Variants in PTPRD observed in about 807,000 individuals in gnomAD.
PTPRD encodes the protein receptor-type tyrosine-protein phosphatase delta.
PTPRD carries 34 observed loss-of-function variants against 214.5 expected under a neutral mutation model. The observed-to-expected ratio is 0.16, with a 90% CI of 0.12 to 0.21. PTPRD has a LOEUF of 0.21. Among genes scored for constraint, PTPRD ranks in the 10% least tolerant of loss-of-function variants. The pLI is 1.00. For synonymous variants in PTPRD, 1,128 were observed against 845.7 expected, an observed-to-expected ratio of 1.33 and a Z score of -5.79; for missense variants, 2,545 against 2,398.7, an observed-to-expected ratio of 1.06 and a Z score of -1.27.
At chr9:10,329,946 T>A (rs2096719047) in intron 3 of PTPRD, among the ~76,000 whole-genome samples, 1 of 151,844 alleles carries the variant, frequency 6.6e-6, no homozygotes, top group South Asian at 2.1e-4. Context: ...ATATTTTAAA[T>A]AATACAGAAA....
intron 3 of PTPRD, among the ~76,000 whole-genome samples, chr9:10,149,516 C>G (rs545790386): frequency 2.2e-4 from 33 of 152,246 alleles, no homozygotes; most frequent in East Asian, 1.4e-3. Context: ...GCACTGCCCT[C>G]CAGCGTGCCT....
intron 9 of PTPRD, among the ~76,000 whole-genome samples, chr9:9,387,879 A>G (rs1340484800): frequency 6.6e-6 from 1 of 152,264 alleles, no homozygotes; most frequent in Non-Finnish European, 1.5e-5. Flanking sequence ...GTAAAAATGA[A>G]TGTTTACAGC....
At chr9:8,546,435 G>A (rs909647492) in intron 14 of PTPRD, among the ~76,000 whole-genome samples, 2 of 152,066 alleles carry the variant, frequency 1.3e-5, no homozygotes, top group Non-Finnish European at 2.9e-5. Context: ...TCGTTCTCAA[G>A]AACTATGGGA....
At chr9:9,557,350 A>G (rs967023599) in intron 8 of PTPRD, among the ~76,000 whole-genome samples, 21 of 152,190 alleles carry the variant, frequency 1.4e-4, no homozygotes, top group African/African-American at 4.8e-4. Context: ...CTTTGTACCA[A>G]TAAGATACCG....
intron 2 of PTPRD, among the ~76,000 whole-genome samples, chr9:10,489,876 G>T (rs921130029): frequency 6.6e-6 from 1 of 152,158 alleles, no homozygotes; most frequent in Non-Finnish European, 1.5e-5. Context: ...GCTGGGGAAT[G>T]GGGGAGGGAT....
At chr9:9,728,273 T>C (rs955838912) in intron 7 of PTPRD, among the ~76,000 whole-genome samples, 3 of 152,174 alleles carry the variant, frequency 2.0e-5, no homozygotes, top group Non-Finnish European at 4.4e-5. Context: ...AACTAATACA[T>C]GTCCCATGAA....
rs1240853179 is a variant in PTPRD, at chr9:8,504,404, T to C, written c.1679A>G (p.Gln560Arg). Residue 560 changes from glutamine to arginine, a missense_variant and splice_region_variant, in exon 23 of 46, where the codon CAA becomes CGA. By Grantham distance (43) the Gln-to-Arg change is conservative (BLOSUM62 1). Coordinates refer to ENST00000381196, the MANE Select transcript of PTPRD (RefSeq NM_002839.4). The part of the protein sequence containing the change: ...VYKDGEHGEE[Q>R]RITIEPGTSY... ...TGTCCCTGGCTCAATGGTAATTCGT[T>C]GCTGGAAGCAATAAGAGAATGTGGT... 6.2e-7 allele frequency: 1 copy of C among 1,614,158 alleles called. No homozygotes were observed. The highest frequency in any genetic ancestry group is 8.5e-7 in the Non-Finnish European group (1 of 1,179,988).
intron 12 of PTPRD, among the ~76,000 whole-genome samples, chr9:8,718,569 C>T (rs1231328037): frequency 6.6e-6 from 1 of 152,140 alleles, no homozygotes; most frequent in Non-Finnish European, 1.5e-5. Context: ...AGAGTTTACA[C>T]CATAGTTGAA....
intron 9 of PTPRD, among the ~76,000 whole-genome samples, chr9:9,282,235 A>G (rs1947971372): frequency 6.6e-6 from 1 of 151,316 alleles, no homozygotes. Flanking sequence ...AAGTTGGGTA[A>G]TAATGTTTCA....
At chr9:10,571,491 A>T (rs1366969226) in intron 2 of PTPRD, among the ~76,000 whole-genome samples, 1 of 152,150 alleles carries the variant, frequency 6.6e-6, no homozygotes, top group African/African-American at 2.4e-5. Context: ...TCGGAATGAG[A>T]CAGGCCTTGA....
At chr9:8,765,308 G>C (rs533266870) in intron 11 of PTPRD, among the ~76,000 whole-genome samples, 2 of 152,246 alleles carry the variant, frequency 1.3e-5, no homozygotes, top group East Asian at 3.9e-4. Flanking sequence ...ATAACATTAT[G>C]CCAGAGGTGA....
chr9:9,121,628 G>A (rs920433648), intron 10 of PTPRD, among the ~76,000 whole-genome samples: 2 of 152,026 alleles, frequency 1.3e-5, no homozygotes, highest in African/African-American at 2.4e-5. Context: ...CTATGAGGAC[G>A]CAGAAGCCTA....
rs181596561 is a variant in PTPRD at position 10,032,321 on chromosome 9, T to C, written c.-472+1397A>G. 5.2e-4 allele frequency among the ~76,000 whole-genome samples: 79 copies of C among 152,310 alleles called. 1 individual carries two copies. Among genetic ancestry groups the C allele is most frequent in the African/African-American group, 1.6e-3 (67 of 41,572 alleles). ...AGAAAAAAATTAGTAAGCTTATCCA[T>C]GACTAAGGGATTCTACAATACAGTG... On this transcript the variant is annotated intron_variant, in intron 4 of 45. Coordinates refer to ENST00000381196, the MANE Select transcript of PTPRD (RefSeq NM_002839.4).
chr9:8,932,199 A>C (rs2098957714), intron 11 of PTPRD, among the ~76,000 whole-genome samples: 3 of 151,978 alleles, frequency 2.0e-5, no homozygotes, highest in Non-Finnish European at 2.9e-5. Context: ...GCCTTCTGCT[A>C]GCTTTTGAAT....
chr9:9,685,376 G>C (rs1171432375), intron 7 of PTPRD, among the ~76,000 whole-genome samples: 1 of 150,988 alleles, frequency 6.6e-6, no homozygotes. Context: ...ACAAGAGTAG[G>C]CTCCCAAATG....
intron 2 of PTPRD, among the ~76,000 whole-genome samples, chr9:10,384,505 A>G (rs1011717888): frequency 6.6e-5 from 10 of 151,794 alleles, no homozygotes; most frequent in Non-Finnish European, 1.0e-4. Flanking sequence ...ATATTGAAGT[A>G]CAATTGGAAG....
intron 9 of PTPRD, among the ~76,000 whole-genome samples, chr9:9,245,826 G>C (rs770213173): frequency 6.6e-6 from 1 of 152,028 alleles, no homozygotes; most frequent in East Asian, 1.9e-4. Flanking sequence ...ACGTTTGAAT[G>C]TTTTTGGGAA....
In PTPRD at chr9:10,290,304, A is replaced by G. The variant is rs528069489; in HGVS notation, c.-545+50659T>C. Reference sequence around the variant, plus strand: ...GACAGGCTGATTATTATTTCCCAGAACTGTTGACAAAGACAATCTTAAGCT... The same window carrying G: ...GACAGGCTGATTATTATTTCCCAGAGCTGTTGACAAAGACAATCTTAAGCT... On this transcript the variant is annotated intron_variant, in intron 3 of 45. Transcript: ENST00000381196. Among the ~76,000 whole-genome samples the G allele has an allele frequency of 1.5e-3, 231 of 152,164 alleles. 2 individuals carry two copies. The highest frequency in any genetic ancestry group is 7.2e-4 in the Non-Finnish European group (49 of 68,008).
chr9:9,048,318 A>C (rs1231974844), intron 10 of PTPRD, among the ~76,000 whole-genome samples: 1 of 152,200 alleles, frequency 6.6e-6, no homozygotes, highest in Non-Finnish European at 1.5e-5. Flanking sequence ...ACCCAAAAGA[A>C]AGGAAATCAG....
Sources: gnomAD v4.1 joint callset for allele counts (sites outside exome capture counted in the v4.1 genomes callset) on GRCh38, gnomAD v4.1.1 for gene constraint, MANE v1.5 for transcripts, NCBI Gene and HGNC (gene_info 2026-07-23, HGNC 2026-07-21) for gene names.